GSK3B: variants seen among roughly 807,000 people sequenced by gnomAD.
GSK3B encodes glycogen synthase kinase 3 beta.
Under a neutral mutation model 56.4 loss-of-function variants are expected in GSK3B, and 15 were observed. That is an observed-to-expected ratio of 0.27 (90% CI 0.18 to 0.41). The LOEUF (loss-of-function observed/expected upper bound fraction) is 0.41, where lower values mean the gene tolerates loss of function less well. Among genes scored for constraint, GSK3B ranks in the 10% least tolerant of loss-of-function variants. GSK3B has a pLI of 1.00. For synonymous variants in GSK3B, 181 were observed against 188.9 expected (o/e 0.96, Z 0.34); for missense variants, 300 against 513.4 (o/e 0.58, Z 4.02).
intron 9 of GSK3B, 88 bp downstream of exon 9, chr3:119,863,331 T>G: frequency 9.3e-7 from 1 of 1,072,938 alleles, no homozygotes; most frequent in Non-Finnish European, 1.4e-6. Context: ...GTTTTTGTCC[T>G]CCACAGATTT....
intron 3 of GSK3B, among the ~76,000 whole-genome samples, chr3:119,946,334 G>GT (rs1332803971): frequency 6.6e-6 from 1 of 151,738 alleles, no homozygotes; most frequent in Non-Finnish European, 1.5e-5. Flanking sequence ...AATATTTGCT[G>GT]TAAAAAAAAA....
intron 2 of GSK3B, among the ~76,000 whole-genome samples, chr3:119,981,434 T>C (rs952076237): frequency 1.3e-5 from 2 of 152,268 alleles, no homozygotes; most frequent in African/African-American, 4.8e-5. Context: ...GGGGTTTCCC[T>C]TTCCTAGCCA....
At chr3:119,946,770 A>T (rs1373903688) in intron 3 of GSK3B, among the ~76,000 whole-genome samples, 1 of 152,186 alleles carries the variant, frequency 6.6e-6, no homozygotes, top group Non-Finnish European at 1.5e-5. Flanking sequence ...GATCACTTAA[A>T]GTAAGCTCTG....
intron 7 of GSK3B, 21 bp from the exon 8 acceptor site, chr3:119,876,529 T>C (rs767936850): frequency 4.6e-6 from 6 of 1,300,086 alleles, no homozygotes; most frequent in South Asian, 1.2e-5. Context: ...AGCAAGTTAT[T>C]GCCATCTTTT....
At chr3:119,973,577 A>C (rs1294981790) in intron 2 of GSK3B, among the ~76,000 whole-genome samples, 5 of 152,230 alleles carry the variant, frequency 3.3e-5, no homozygotes, top group Admixed American at 3.3e-4. Flanking sequence ...CTATCTCATC[A>C]TGTAGGCATT....
intron 1 of GSK3B, among the ~76,000 whole-genome samples, chr3:120,082,151 G>A (rs1192134841): frequency 2.6e-5 from 4 of 152,118 alleles, no homozygotes; most frequent in Admixed American, 6.5e-5. Flanking sequence ...TCTGAAAAAC[G>A]TAACAATTTT....
intron 1 of GSK3B, among the ~76,000 whole-genome samples, chr3:120,042,136 G>T (rs1272876769): frequency 3.9e-5 from 6 of 152,166 alleles, no homozygotes; most frequent in Non-Finnish European, 8.8e-5. Flanking sequence ...TGTCTTTTAA[G>T]AGTCAGGAAA....
chr3:120,032,504 T>G (rs1444009165), intron 1 of GSK3B, among the ~76,000 whole-genome samples: 1 of 151,922 alleles, frequency 6.6e-6, no homozygotes, highest in Non-Finnish European at 1.5e-5. Flanking sequence ...ATTTCATCCA[T>G]TTAAGTTTTT....
At chr3:119,832,278 G>A (rs183725252) in intron 10 of GSK3B, among the ~76,000 whole-genome samples, 2 of 152,364 alleles carry the variant, frequency 1.3e-5, no homozygotes, top group Admixed American at 1.3e-4. Context: ...CCACATGAAT[G>A]AGAGCCACTG....
Position 120,082,385 on chromosome 3 carries a change from C to CTTTTTTT in GSK3B, c.88+10955_88+10961dup, listed in dbSNP as rs1173737285. Among the ~76,000 whole-genome samples the CTTTTTTT allele has an allele frequency of 7.1e-4, 47 of 66,380 alleles. 4 individuals are homozygous for CTTTTTTT. Among genetic ancestry groups the CTTTTTTT allele is most frequent in the African/African-American group, 9.0e-4 (18 of 19,978 alleles). 43.5% of individuals were successfully genotyped at this position (66,380 alleles called of 152,430 possible). ...TGTGGCTAGCCCAAATTAGTATGTTCTTTTTTTTTTTTTTTTTTTTTTTTT... is the reference window on the plus strand; with the variant it reads ...TGTGGCTAGCCCAAATTAGTATGTTCTTTTTTTTTTTTTTTTTTTTTTTTTTTTTTTT... On this transcript the variant is annotated intron_variant, in intron 1 of 10. Coordinates refer to ENST00000264235, the MANE Select transcript of GSK3B (RefSeq NM_001146156.2).
intron 8 of GSK3B, among the ~76,000 whole-genome samples, chr3:119,866,039 T>C (rs955786001): frequency 2.0e-5 from 3 of 152,294 alleles, no homozygotes; most frequent in East Asian, 3.9e-4. Context: ...CAGTACTCTG[T>C]GAATAAAGGT....
chr3:120,037,318 A>C (rs1478581185), intron 1 of GSK3B, among the ~76,000 whole-genome samples: 3 of 152,232 alleles, frequency 2.0e-5, no homozygotes, highest in African/African-American at 7.2e-5. Context: ...AGATAAAATA[A>C]AGCAATAATT....
intron 3 of GSK3B, among the ~76,000 whole-genome samples, chr3:119,928,612 T>TAAAAAAAAAAAAAAAAAAAAAAAAAA (rs1160252679): frequency 1.5e-5 from 1 of 67,030 alleles, no homozygotes; most frequent in African/African-American, 4.7e-5. Flanking sequence ...ATCAAAAAAA[T>TAAAAAAAAAAAAAAAAAAAAAAAAAA]AAAAAAAAAA....
At chr3:119,880,676 T>G (rs1345827826) in intron 7 of GSK3B, among the ~76,000 whole-genome samples, 2 of 152,138 alleles carry the variant, frequency 1.3e-5, no homozygotes, top group African/African-American at 2.4e-5. Flanking sequence ...AAACTCCTAA[T>G]GTTATTGGAA....
chr3:119,982,998 CA>C (rs2057479132), intron 2 of GSK3B, among the ~76,000 whole-genome samples: 2 of 152,194 alleles, frequency 1.3e-5, no homozygotes, highest in African/African-American at 4.8e-5. Flanking sequence ...ATCAGACTAA[CA>C]GTGGATCTCT....
At chr3:120,022,332 T>C (rs1213226856) in intron 1 of GSK3B, among the ~76,000 whole-genome samples, 1 of 152,240 alleles carries the variant, frequency 6.6e-6, no homozygotes, top group African/African-American at 2.4e-5. Context: ...AACTACAGTA[T>C]AGTGCAAACG....
intron 4 of GSK3B, among the ~76,000 whole-genome samples, chr3:119,922,187 A>G (rs2107464199): frequency 7.1e-6 from 1 of 140,750 alleles, no homozygotes; most frequent in African/African-American, 2.7e-5. Context: ...GTAGGTAGGT[A>G]GGTAGGTAGG....
chr3:119,953,995 C>T (rs2057184650), intron 2 of GSK3B, among the ~76,000 whole-genome samples: 1 of 152,048 alleles, frequency 6.6e-6, no homozygotes, highest in Non-Finnish European at 1.5e-5. Flanking sequence ...ATTATAGTCA[C>T]TATACAGACA....
chr3:119,849,987 G>A (rs2055905468), intron 9 of GSK3B, among the ~76,000 whole-genome samples: 1 of 152,032 alleles, frequency 6.6e-6, no homozygotes, highest in Non-Finnish European at 1.5e-5. Flanking sequence ...CGAATACAAT[G>A]TAAATACTAT....
Sources: allele counts gnomAD v4.1 joint callset (sites outside exome capture counted in the v4.1 genomes callset), GRCh38; gene constraint gnomAD v4.1.1; transcripts MANE v1.5; gene names NCBI Gene and HGNC (gene_info 2026-07-23, HGNC 2026-07-21).